Variants in CIPC observed in about 807,000 individuals in gnomAD.
CIPC encodes the protein CLOCK-interacting pacemaker.
A neutral mutation model predicts 26.7 loss-of-function variants in CIPC; 12 were observed. The observed-to-expected ratio is 0.45, with a 90% confidence interval of 0.29 to 0.73. The LOEUF (loss-of-function observed/expected upper bound fraction) is 0.73, where lower values mean the gene tolerates loss of function less well. Among genes scored for constraint, CIPC ranks in the 30% least tolerant of loss-of-function variants. The probability of loss-of-function intolerance (pLI) is 0.12; values close to 1 mark genes in which losing one functional copy is unlikely to be tolerated. For missense variants in CIPC, 417 were observed against 486.5 expected, an observed-to-expected ratio of 0.86 and a Z score of 1.34; for synonymous variants, 170 against 189.8, an observed-to-expected ratio of 0.90 and a Z score of 0.86.
Position 77,113,552 on chromosome 14 carries a change from A to G in CIPC, c.434A>G (p.Glu145Gly). Reference protein sequence around the residue: ...PSPVSPCHTGEKKSDSRNYLP... With the variant: ...PSPVSPCHTGGKKSDSRNYLP... ...CCTGTCAGTCCATGTCACACTGGTG[A>G]GAAAAAGTCCGACTCCAGGAACTAC... The change falls in exon 4 of 4, where the codon GAG (glutamate) becomes GGG (glycine). Residue 145 changes from glutamate to glycine, a missense_variant. By Grantham distance (98) the Glu-to-Gly change is moderately conservative. Coordinates refer to ENST00000361786, the MANE Select transcript of CIPC (RefSeq NM_033426.3). 1.2e-6 allele frequency: 2 copies of G among 1,614,256 alleles called. No individual in the cohort carries two copies. Among genetic ancestry groups the G allele is most frequent in the Middle Eastern group, 1.6e-4 (1 of 6,062 alleles).
intron 1 of CIPC, among the ~76,000 whole-genome samples, chr14:77,103,874 ACTT>A (rs1484673740): frequency 7.6e-6 from 1 of 130,904 alleles, no homozygotes; most frequent in Non-Finnish European, 1.6e-5. Flanking sequence ...CCTTCTGTGC[ACTT>A]CTTGGGCTCC....
rs142182960 is a variant in CIPC at position 77,102,258 on chromosome 14, C to T, written c.-52-3399C>T. On this transcript the variant is annotated intron_variant, in intron 1 of 3. Transcript: ENST00000361786. ...GAATGAGGGTTTTATGATCTGCTAT[C>T]GGACAAGACAGGTCAGATAATTTCT... is the stretch of plus-strand genomic sequence containing the variant. 4.3e-3 allele frequency among the ~76,000 whole-genome samples: 653 copies of T among 152,194 alleles called. 2 individuals carry two copies. Among genetic ancestry groups the T allele is most frequent in the African/African-American group, 0.014 (599 of 41,524 alleles).
chr14:77,110,319 G>A (rs997443982), intron 3 of CIPC, among the ~76,000 whole-genome samples: 1 of 152,092 alleles, frequency 6.6e-6, no homozygotes, highest in Admixed American at 6.5e-5. Flanking sequence ...CTAACATATG[G>A]CAGAGTTTAG....
At position 77,114,451 on chromosome 14, in the gene CIPC, C is replaced by T; in HGVS notation, c.*133C>T. On this transcript the variant is annotated 3_prime_UTR_variant, in exon 4 of 4. Coordinates refer to ENST00000361786, the MANE Select transcript of CIPC (RefSeq NM_033426.3). ...CTGTGTTGTGGTTCACTTAGGAAGCCACGTGCCAATACCTGGCTGCTGTCT... is the reference window on the plus strand; with the variant it reads ...CTGTGTTGTGGTTCACTTAGGAAGCTACGTGCCAATACCTGGCTGCTGTCT... 1 of 952,992 alleles carries T rather than the reference C, an allele frequency of 1.0e-6. No individual in the cohort carries two copies. The highest frequency in any genetic ancestry group is 2.5e-5 in the East Asian group (1 of 40,178). The allele number at this position is 952,992 out of a possible 1,614,324, so 59.0% of individuals were successfully genotyped here. A position where few individuals can be genotyped will look rare whatever the true frequency, so the allele number is the denominator to read the frequency against.
chr14:77,113,418 T>A lies in CIPC; in HGVS notation c.307-7T>A, dbSNP rs760925271. On this transcript the variant is annotated splice_polypyrimidine_tract_variant and splice_region_variant and intron_variant, in intron 3 of 3. Coordinates refer to ENST00000361786, the MANE Select transcript of CIPC (RefSeq NM_033426.3). ...AGTAGTGTGCTGCTCTCCTCCTTTGTCTTCAGGGCAGCAGCTCATCCCAGC... is the reference window on the plus strand; with the variant it reads ...AGTAGTGTGCTGCTCTCCTCCTTTGACTTCAGGGCAGCAGCTCATCCCAGC... The A allele has an allele frequency of 6.2e-7, 1 of 1,613,988 alleles. No homozygotes were observed. The highest frequency in any genetic ancestry group is 8.5e-7 in the Non-Finnish European group (1 of 1,180,010).
In CIPC at chr14:77,114,211, A is replaced by C; in HGVS notation, c.1093A>C (p.Lys365Gln). ...AACCCAGCTGTTTATAGAAGCCACCAAGAGCAGGGCCCCTCAGGCTTGGGC... is the reference window on the plus strand; with the variant it reads ...AACCCAGCTGTTTATAGAAGCCACCCAGAGCAGGGCCCCTCAGGCTTGGGC... ...EQTQLFIEAT[K>Q]SRAPQAWAKL... Residue 365 changes from lysine to glutamine, a missense_variant, in exon 4 of 4, where the codon AAG (lysine) becomes CAG (glutamine). Coordinates refer to ENST00000361786, the MANE Select transcript of CIPC (RefSeq NM_033426.3). The C allele has an allele frequency of 6.2e-7, 1 of 1,614,200 alleles. No individual in the cohort carries two copies. Among genetic ancestry groups the C allele is most frequent in the Non-Finnish European group, 8.5e-7 (1 of 1,180,040 alleles).
intron 2 of CIPC, 104 bp from the exon 3 acceptor site, chr14:77,109,708 A>G (rs940687259): frequency 1.7e-5 from 18 of 1,030,010 alleles, no homozygotes; most frequent in Non-Finnish European, 2.4e-5. Flanking sequence ...AAAACACATC[A>G]CAAGTGTTGC....
At chr14:77,111,350 C>T (rs759299834) in intron 3 of CIPC, among the ~76,000 whole-genome samples, 2 of 152,174 alleles carry the variant, frequency 1.3e-5, no homozygotes, top group African/African-American at 2.4e-5. Flanking sequence ...TGATCAGGAG[C>T]TAAGAGACTT....
intron 2 of CIPC, among the ~76,000 whole-genome samples, chr14:77,106,278 T>C (rs1439037778): frequency 6.6e-6 from 1 of 152,218 alleles, no homozygotes; most frequent in Non-Finnish European, 1.5e-5. Context: ...AACTTTTTCA[T>C]TGAGAAAGTA....
At chr14:77,110,772 T>C (rs898834335) in intron 3 of CIPC, among the ~76,000 whole-genome samples, 4 of 152,230 alleles carry the variant, frequency 2.6e-5, no homozygotes, top group African/African-American at 7.2e-5. Context: ...TGAAAATATA[T>C]CAGTTTTCAT....
At chr14:77,111,205 C>T (rs529803012) in intron 3 of CIPC, among the ~76,000 whole-genome samples, 1 of 152,244 alleles carries the variant, frequency 6.6e-6, no homozygotes, top group East Asian at 1.9e-4. Context: ...TGTTTATATC[C>T]CTTCTTTGTT....
intron 2 of CIPC, among the ~76,000 whole-genome samples, chr14:77,106,989 T>C (rs1381285217): frequency 1.3e-5 from 2 of 152,162 alleles, no homozygotes; most frequent in Non-Finnish European, 2.9e-5. Context: ...TTGTTAAAAA[T>C]ATTGATCACC....
chr14:77,116,595 A>G lies in CIPC; in HGVS notation c.*2277A>G, dbSNP rs1218182391. On this transcript the variant is annotated 3_prime_UTR_variant, in exon 4 of 4. Coordinates refer to ENST00000361786, the MANE Select transcript of CIPC (RefSeq NM_033426.3). The stretch of plus-strand genomic sequence containing the variant: ...TAAAAGATGATGAAAGCCACTATCA[A>G]TCCTCACTGCTGAGTGGCAGGGAGA... The G allele has an allele frequency of 3.3e-5, 5 of 152,352 alleles. No individual in the cohort carries two copies. The highest frequency in any genetic ancestry group is 3.4e-3 in the Middle Eastern group (1 of 294). 9.4% of individuals were successfully genotyped at this position (152,352 alleles called of 1,614,324 possible). A position where few individuals can be genotyped will look rare whatever the true frequency, so the allele number is the denominator to read the frequency against.
chr14:77,099,321 G>T (rs1319697471), intron 1 of CIPC: 2 of 152,238 alleles, frequency 1.3e-5, no homozygotes, highest in African/African-American at 2.4e-5. Flanking sequence ...ATAGGAAATT[G>T]TATGGAATTG....
At chr14:77,108,484 G>A (rs932524332) in intron 2 of CIPC, among the ~76,000 whole-genome samples, 1 of 152,104 alleles carries the variant, frequency 6.6e-6, no homozygotes, top group African/African-American at 2.4e-5. Flanking sequence ...CTGAGGTCAG[G>A]AATTCGAGAC....
chr14:77,101,039 C>T (rs1014161172), intron 1 of CIPC, among the ~76,000 whole-genome samples: 6 of 152,124 alleles, frequency 3.9e-5, no homozygotes, highest in African/African-American at 1.2e-4. Context: ...TGTAAAGCAG[C>T]GTGAGTGATT....
At position 77,113,460 on chromosome 14, in the gene CIPC, C is replaced by T; in HGVS notation, c.342C>T (p.Val114=). 1 of 1,614,178 alleles carries T rather than the reference C, an allele frequency of 6.2e-7. No individual in the cohort carries two copies. Among genetic ancestry groups the T allele is most frequent in the South Asian group, 1.1e-5 (1 of 91,076 alleles). Residue 114 remains valine (V), a synonymous_variant, in exon 4 of 4, where the codon GTC becomes GTT. Transcript: ENST00000361786. ...CATCCCAGCTCCAGTCGTGGACTGTCCAGCCCTCCTTTGAAGTGATCTCAG... is the reference window on the plus strand; with the variant it reads ...CATCCCAGCTCCAGTCGTGGACTGTTCAGCCCTCCTTTGAAGTGATCTCAG... The part of the protein sequence containing the change: ...SSSSQLQSWT[V]QPSFEVISAQ...
chr14:77,113,873 C>T lies in CIPC; in HGVS notation c.755C>T (p.Ala252Val), dbSNP rs1271293285. 1.2e-6 allele frequency: 2 copies of T among 1,614,032 alleles called. No individual in the cohort carries two copies. Among genetic ancestry groups the T allele is most frequent in the African/African-American group, 2.7e-5 (2 of 74,928 alleles). Residue 252 changes from alanine to valine, a missense_variant, in exon 4 of 4, where the codon GCT becomes GTT. Transcript: ENST00000361786. Reference sequence around the variant, plus strand: ...CAGCCGGTATCCAGCAGTCACGTGGCTAAAGCTCCCAGTCTGACCTTCGCT... The same window carrying T: ...CAGCCGGTATCCAGCAGTCACGTGGTTAAAGCTCCCAGTCTGACCTTCGCT... ...TLQPVSSSHV[A>V]KAPSLTFASP...
At chr14:77,099,770 C>A (rs1886440294) in intron 1 of CIPC, 1 of 152,172 alleles carries the variant, frequency 6.6e-6, no homozygotes, top group South Asian at 2.1e-4. Context: ...ATCATAAGGA[C>A]AAATCTTCAC....
Sources: allele counts gnomAD v4.1 joint callset (sites outside exome capture counted in the v4.1 genomes callset), GRCh38; gene constraint gnomAD v4.1.1; transcripts MANE v1.5; gene names NCBI Gene and HGNC (gene_info 2026-07-23, HGNC 2026-07-21).